KCNQ1: variants seen among roughly 807,000 people sequenced by gnomAD.
KCNQ1 encodes potassium voltage-gated channel subfamily KQT member 1.
In KCNQ1, 49 loss-of-function variants were observed where a neutral mutation model predicts 72.4. The observed-to-expected ratio is 0.68, with a 90% CI of 0.54 to 0.86. The LOEUF is 0.86. Ranked by LOEUF, KCNQ1 falls within the 40% of genes least tolerant of loss-of-function variation. The pLI is 0.00. For missense variants in KCNQ1, 790 were observed against 945.1 expected (o/e 0.84, Z 2.15); for synonymous variants, 450 against 412.6 (o/e 1.09, Z -1.10).
At chr11:2,639,138 G>A (rs11023582) in intron 10 of KCNQ1, 21,636 of 152,044 alleles carry the variant, frequency 0.14, 1,597 homozygotes, top group South Asian at 0.19. Flanking sequence ...AAGGTTTTTA[G>A]CTTCTTTGCT....
chr11:2,740,977 G>A (rs1177560094), intron 11 of KCNQ1, among the ~76,000 whole-genome samples: 4 of 152,198 alleles, frequency 2.6e-5, no homozygotes, highest in Non-Finnish European at 5.9e-5. Flanking sequence ...CCCTTCAAAG[G>A]AAATCAAGTG....
Position 2,826,601 on chromosome 11 carries a change from T to C in KCNQ1, c.1795-21166T>C, listed in dbSNP as rs1029026485. Among the ~76,000 whole-genome samples, 16 of 152,188 alleles carry C rather than the reference T, an allele frequency of 1.1e-4. No individual in the cohort carries two copies. The highest frequency in any genetic ancestry group is 2.1e-4 in the South Asian group (1 of 4,830). ...GGGCACCCACAGGGTAGAAATGCCC[T>C]GGATTGGCTGTGGCACAAGAGGGCT... On this transcript the variant is annotated intron_variant, in intron 15 of 15. Transcript: ENST00000155840. This position sits in a 1 kb window ranked among gnomAD's most constrained non-coding sequence, Gnocchi z 4.2.
chr11:2,483,308 T>C lies in KCNQ1; in HGVS notation c.386+37824T>C, dbSNP rs993040093. Among the ~76,000 whole-genome samples, 1 of 152,128 alleles carries C rather than the reference T, an allele frequency of 6.6e-6. No individual in the cohort carries two copies. Among genetic ancestry groups the C allele is most frequent in the African/African-American group, 2.4e-5 (1 of 41,410 alleles). ...TCTTGGCTTCTGTACTTTAAAAAAATCATTTTGTTTTGAAGCAATTTTAGA... is the reference window on the plus strand; with the variant it reads ...TCTTGGCTTCTGTACTTTAAAAAAACCATTTTGTTTTGAAGCAATTTTAGA... On this transcript the variant is annotated intron_variant, in intron 1 of 15. Transcript: ENST00000155840. The surrounding 1 kb of genome is among the most constrained non-coding windows in gnomAD (Gnocchi z 6.1).
In KCNQ1 at chr11:2,752,046, C is replaced by T. The variant is rs535535981; in HGVS notation, c.1515-16798C>T. The stretch of plus-strand genomic sequence containing the variant: ...ACCTTGTACTGCCCTGTCCTCCCCA[C>T]GCCCTGAGGGGCCGTCCTAGGCAGC... On this transcript the variant is annotated intron_variant, in intron 11 of 15. Coordinates refer to ENST00000155840, the MANE Select transcript of KCNQ1 (RefSeq NM_000218.3). The surrounding 1 kb of genome is among the most constrained non-coding windows in gnomAD (Gnocchi z 5.2). 1.2e-4 allele frequency among the ~76,000 whole-genome samples: 18 copies of T among 152,262 alleles called. No homozygotes were observed. The highest frequency in any genetic ancestry group is 1.9e-4 in the African/African-American group (8 of 41,462).
In KCNQ1 at chr11:2,769,918, C is replaced by T. The variant is rs568635152; in HGVS notation, c.1590+999C>T. ...TCCGCCGACCACCAGGACCCACAGT[C>T]GGTGGCATCCCAGCCCACCAAGACT... On this transcript the variant is annotated intron_variant, in intron 12 of 15. Coordinates refer to ENST00000155840, the MANE Select transcript of KCNQ1 (RefSeq NM_000218.3). The surrounding 1 kb of genome is among the most constrained non-coding windows in gnomAD (Gnocchi z 4.6). Among the ~76,000 whole-genome samples, 438 of 152,222 alleles carry T rather than the reference C, an allele frequency of 2.9e-3. No homozygotes were observed. The highest frequency in any genetic ancestry group is 4.9e-3 in the Non-Finnish European group (336 of 67,992).
chr11:2,765,616 A>C, intron 11 of KCNQ1, among the ~76,000 whole-genome samples: 1 of 152,174 alleles, frequency 6.6e-6, no homozygotes, highest in East Asian at 1.9e-4. Context: ...TTTAGCTTTT[A>C]GTTCTGCCAG....
At chr11:2,774,100 G>A (rs1442854544) in intron 12 of KCNQ1, among the ~76,000 whole-genome samples, 1 of 152,092 alleles carries the variant, frequency 6.6e-6, no homozygotes, top group Non-Finnish European at 1.5e-5. Flanking sequence ...ATAGGAAGGA[G>A]AAACAGGGCT....
chr11:2,471,729 TGTGTATGTGTGCATGGGC>T lies in KCNQ1; in HGVS notation c.386+26250_386+26267del, dbSNP rs1846466932. Among the ~76,000 whole-genome samples the T allele has an allele frequency of 6.9e-6, 1 of 145,556 alleles. No individual in the cohort carries two copies. Among genetic ancestry groups the T allele is most frequent in the African/African-American group, 2.6e-5 (1 of 38,720 alleles). On this transcript the variant is annotated intron_variant, in intron 1 of 15. Transcript: ENST00000155840. This position sits in a 1 kb window ranked among gnomAD's most constrained non-coding sequence, Gnocchi z 4.8. Reference sequence around the variant, plus strand: ...AGGTGTGTGTATGTGTGCATGGGCGTGTGTATGTGTGCATGGGCGTGTGTGTACTTGTGTATGGGTGTG... The same window carrying T: ...AGGTGTGTGTATGTGTGCATGGGCGTGTGTGTGTACTTGTGTATGGGTGTG...
intron 1 of KCNQ1, among the ~76,000 whole-genome samples, chr11:2,470,971 C>T (rs1846442847): frequency 6.6e-6 from 1 of 152,120 alleles, no homozygotes; most frequent in Admixed American, 6.5e-5. Context: ...TCAGGTTTCA[C>T]ACTGAGGTGG....
chr11:2,519,639 AC>A (rs919867004), intron 1 of KCNQ1, among the ~76,000 whole-genome samples: 5 of 150,540 alleles, frequency 3.3e-5, no homozygotes, highest in East Asian at 2.0e-4. Flanking sequence ...ACAAAACAAA[AC>A]AAAAAACCAA....
rs190337886 is a variant in KCNQ1 at position 2,669,110 on chromosome 11, T to C, written c.1514+7029T>C. The C allele has an allele frequency of 3.5e-3, 1,414 of 398,712 alleles. 14 individuals are homozygous for C. The highest frequency in any genetic ancestry group is 0.018 in the African/African-American group (880 of 48,756). The allele number at this position is 398,712 out of a possible 1,614,324, so 24.7% of individuals were successfully genotyped here. A position where few individuals can be genotyped will look rare whatever the true frequency, so the allele number is the denominator to read the frequency against. On this transcript the variant is annotated intron_variant, in intron 11 of 15. Coordinates refer to ENST00000155840, the MANE Select transcript of KCNQ1 (RefSeq NM_000218.3). This position sits in a 1 kb window ranked among gnomAD's most constrained non-coding sequence, Gnocchi z 5.6. ...CTTTACAATCAGCTCACTGGCTACG[T>C]GTGGCTCTGTTTCTGGACCCTATTG... is the stretch of plus-strand genomic sequence containing the variant.
Position 2,494,273 on chromosome 11 carries a change from T to C in KCNQ1, c.387-33655T>C, listed in dbSNP as rs764288173. On this transcript the variant is annotated intron_variant, in intron 1 of 15. Transcript: ENST00000155840. The surrounding 1 kb of genome is among the most constrained non-coding windows in gnomAD (Gnocchi z 4.6). Reference sequence around the variant, plus strand: ...CTGAGACAATGGGGTTTTCTAAATATACAATCATGTCATCTGCAAACAGAG... The same window carrying C: ...CTGAGACAATGGGGTTTTCTAAATACACAATCATGTCATCTGCAAACAGAG... Among the ~76,000 whole-genome samples the C allele has an allele frequency of 2.4e-4, 37 of 152,226 alleles. No homozygotes were observed. The highest frequency in any genetic ancestry group is 3.9e-4 in the Admixed American group (6 of 15,282).
intron 15 of KCNQ1, among the ~76,000 whole-genome samples, chr11:2,788,226 A>C (rs1036425725): frequency 3.9e-5 from 6 of 151,928 alleles, no homozygotes; most frequent in Non-Finnish European, 8.8e-5. Context: ...ATCCTCCCCA[A>C]GTTCCCCTGC....
intron 10 of KCNQ1, chr11:2,650,531 T>G (rs1849741097): frequency 2.5e-6 from 1 of 398,686 alleles, no homozygotes; most frequent in Non-Finnish European, 4.4e-6. Context: ...ACATCAGTGG[T>G]ATCTGCAAGT....
chr11:2,809,632 G>A lies in KCNQ1; in HGVS notation c.1794+31595G>A, dbSNP rs753944283. On this transcript the variant is annotated intron_variant, in intron 15 of 15. Coordinates refer to ENST00000155840, the MANE Select transcript of KCNQ1 (RefSeq NM_000218.3). The surrounding 1 kb of genome is among the most constrained non-coding windows in gnomAD (Gnocchi z 7.1). ...CCTGACTGGTTGGGTTTCTGCCTCG[G>A]TCGCTGACTCCAGAGGGCCCCACGG... 1.3e-5 allele frequency among the ~76,000 whole-genome samples: 2 copies of A among 152,048 alleles called. No homozygotes were observed. The highest frequency in any genetic ancestry group is 2.9e-5 in the Non-Finnish European group (2 of 68,022).
At position 2,658,739 on chromosome 11, in the gene KCNQ1, C is replaced by T. The variant is rs1056898763; in HGVS notation, c.1394-3222C>T. Reference sequence around the variant, plus strand: ...CACATACATCTTTACATATCTGTATCTATATAAAGCTAACCATGAGTTCAT... The same window carrying T: ...CACATACATCTTTACATATCTGTATTTATATAAAGCTAACCATGAGTTCAT... On this transcript the variant is annotated intron_variant, in intron 10 of 15. Coordinates refer to ENST00000155840, the MANE Select transcript of KCNQ1 (RefSeq NM_000218.3). This position sits in a 1 kb window ranked among gnomAD's most constrained non-coding sequence, Gnocchi z 4.9. 5.0e-5 allele frequency: 20 copies of T among 398,366 alleles called. No individual in the cohort carries two copies. The highest frequency in any genetic ancestry group is 8.0e-5 in the Non-Finnish European group (18 of 226,060). The allele number at this position is 398,366 out of a possible 1,614,324, so 24.7% of individuals were successfully genotyped here.
chr11:2,672,189 T>C (rs1850195624), intron 11 of KCNQ1: 1 of 398,556 alleles, frequency 2.5e-6, no homozygotes, highest in Non-Finnish European at 4.4e-6. Flanking sequence ...TAGGTTCATG[T>C]CCTGATTTGT....
At chr11:2,532,025 C>A (rs1032909793) in intron 2 of KCNQ1, among the ~76,000 whole-genome samples, 1 of 152,218 alleles carries the variant, frequency 6.6e-6, no homozygotes, top group Non-Finnish European at 1.5e-5. Flanking sequence ...TCCTGGCTGC[C>A]CCAGGGCCTT....
rs1171127977 is a variant in KCNQ1 at position 2,710,139 on chromosome 11, C to T, written c.1514+48058C>T. Among the ~76,000 whole-genome samples, 1 of 152,198 alleles carries T rather than the reference C, an allele frequency of 6.6e-6. No homozygotes were observed. Among genetic ancestry groups the T allele is most frequent in the African/African-American group, 2.4e-5 (1 of 41,432 alleles). On this transcript the variant is annotated intron_variant, in intron 11 of 15. Transcript: ENST00000155840. This position sits in a 1 kb window ranked among gnomAD's most constrained non-coding sequence, Gnocchi z 4.1. ...GTGAGTTCCTATCTCTCCACATTCT[C>T]ACCAACACTTGTTACTGTCTGCCGT... is the stretch of plus-strand genomic sequence containing the variant.
Sources: gnomAD v4.1 joint callset for allele counts (sites outside exome capture counted in the v4.1 genomes callset) on GRCh38, gnomAD v4.1.1 for gene constraint, Gnocchi (gnomAD v3.1) non-coding constraint, MANE v1.5 for transcripts, NCBI Gene and HGNC (gene_info 2026-07-23, HGNC 2026-07-21) for gene names.